The following TTC28 variants were observed in gnomAD, a reference collection of about 807,000 sequenced individuals.
TTC28 encodes tetratricopeptide repeat domain 28.
Under a neutral mutation model 198.0 loss-of-function variants are expected in TTC28, and 61 were observed. That is an observed-to-expected ratio of 0.31 (90% CI 0.25 to 0.38). The LOEUF is 0.38. Ranked by LOEUF, TTC28 falls within the 10% of genes least tolerant of loss-of-function variation. TTC28 has a pLI of 1.00. For missense variants in TTC28, 2,678 were observed against 3,164.0 expected, an observed-to-expected ratio of 0.85 and a Z score of 3.69; for synonymous variants, 1,171 against 1,297.8, an observed-to-expected ratio of 0.90 and a Z score of 2.10.
At chr22:28,083,187 G>T (rs941989371) in intron 12 of TTC28, among the ~76,000 whole-genome samples, 8 of 151,856 alleles carry the variant, frequency 5.3e-5, no homozygotes, top group Admixed American at 2.6e-4. Flanking sequence ...TTAGACCAGA[G>T]GTGCCTGGAA....
chr22:28,226,433 TCTC>T (rs1400050749), intron 5 of TTC28, among the ~76,000 whole-genome samples: 1 of 152,174 alleles, frequency 6.6e-6, no homozygotes, highest in Non-Finnish European at 1.5e-5. Flanking sequence ...TCTTTTCTCT[TCTC>T]TTTTTATGAG....
At chr22:28,238,098 CT>C (rs1372101951) in intron 5 of TTC28, among the ~76,000 whole-genome samples, 1 of 152,056 alleles carries the variant, frequency 6.6e-6, no homozygotes, top group Admixed American at 6.6e-5. Context: ...TATGTTTTTA[CT>C]GCACGAATGG....
Position 28,107,732 on chromosome 22 carries a change from G to C in TTC28, c.2113C>G (p.Gln705Glu). 6.4e-7 allele frequency: 1 copy of C among 1,551,902 alleles called. No homozygotes were observed. The highest frequency in any genetic ancestry group is 8.7e-7 in the Non-Finnish European group (1 of 1,147,030). Residue 705 changes from glutamine (Q) to glutamate (E), a missense_variant, in exon 7 of 23, where the codon CAG becomes GAG. By Grantham distance (29) the Gln-to-Glu change is conservative (BLOSUM62 2). This residue lies in a region of TTC28 where 775 missense variants were observed against 845.9 expected (regional missense o/e 0.92). Coordinates refer to ENST00000397906, the MANE Select transcript of TTC28 (RefSeq NM_001145418.2). ...ECQKYLLSLA[Q>E]SLNNSQAKFR... ...TTAGCCTGGGAATTATTCAGAGACT[G>C]GGCTAGGGACAGTAGGTACTTCTGA...
intron 5 of TTC28, among the ~76,000 whole-genome samples, chr22:28,253,989 C>G (rs1016178552): frequency 6.6e-6 from 1 of 151,612 alleles, no homozygotes; most frequent in Non-Finnish European, 1.5e-5. Flanking sequence ...CTTGTAATCC[C>G]GCTACCTGGG....
intron 5 of TTC28, among the ~76,000 whole-genome samples, chr22:28,199,829 T>C (rs1165956511): frequency 6.6e-6 from 1 of 151,984 alleles, no homozygotes; most frequent in Non-Finnish European, 1.5e-5. Flanking sequence ...AGTGTTACTC[T>C]GGAGGAAAAA....
chr22:28,348,445 C>T (rs560968543), intron 2 of TTC28, among the ~76,000 whole-genome samples: 70 of 152,232 alleles, frequency 4.6e-4, no homozygotes, highest in African/African-American at 1.3e-3. Context: ...GATCCTGGGG[C>T]GTTCCAAGAT....
intron 2 of TTC28, among the ~76,000 whole-genome samples, chr22:28,517,035 C>G (rs2048803767): frequency 6.6e-6 from 1 of 152,194 alleles, no homozygotes; most frequent in Non-Finnish European, 1.5e-5. Flanking sequence ...AGACAATACT[C>G]TCTTACCCAG....
intron 6 of TTC28, among the ~76,000 whole-genome samples, chr22:28,135,103 G>T (rs1943168136): frequency 6.6e-6 from 1 of 152,094 alleles, no homozygotes; most frequent in African/African-American, 2.4e-5. Flanking sequence ...TATGCTATGA[G>T]ATTTTGGATC....
At chr22:28,659,247 C>T (rs900077260) in intron 1 of TTC28, among the ~76,000 whole-genome samples, 1 of 152,206 alleles carries the variant, frequency 6.6e-6, no homozygotes, top group African/African-American at 2.4e-5. Flanking sequence ...TGTTTCAACT[C>T]TTACAAGGGT....
chr22:27,999,722 T>TA (rs1442514273), intron 15 of TTC28: 4 of 160,524 alleles, frequency 2.5e-5, no homozygotes, highest in African/African-American at 9.6e-5. Flanking sequence ...GGGCTAAACT[T>TA]AAGTCCTTTA....
chr22:28,629,283 TCTTA>T, intron 2 of TTC28: 1 of 386,360 alleles, frequency 2.6e-6, no homozygotes, highest in Non-Finnish European at 4.6e-6. Flanking sequence ...CTAGAATGTA[TCTTA>T]CTTATCAAGC....
intron 12 of TTC28, among the ~76,000 whole-genome samples, chr22:28,091,906 C>T (rs1439574361): frequency 2.6e-5 from 4 of 151,984 alleles, no homozygotes; most frequent in African/African-American, 9.7e-5. Context: ...GTAGGGAAAC[C>T]TATGCTGGGA....
chr22:28,212,041 A>C (rs1384961115), intron 5 of TTC28, among the ~76,000 whole-genome samples: 2 of 152,208 alleles, frequency 1.3e-5, no homozygotes, highest in African/African-American at 4.8e-5. Context: ...GTACATAACG[A>C]AATGAAGGCA....
At chr22:28,063,990 G>A (rs1940654500) in intron 12 of TTC28, among the ~76,000 whole-genome samples, 2 of 152,274 alleles carry the variant, frequency 1.3e-5, no homozygotes, top group East Asian at 1.9e-4. Context: ...TGTATCTGCA[G>A]AGCATTTGTT....
At chr22:27,995,144 C>A (rs71325272) in intron 17 of TTC28, among the ~76,000 whole-genome samples, 3,014 of 152,282 alleles carry the variant, frequency 0.02, 49 homozygotes, top group Non-Finnish European at 0.032. Context: ...CTGTTCAGGC[C>A]CAACCCACGG....
intron 2 of TTC28, among the ~76,000 whole-genome samples, chr22:28,593,849 C>T (rs1165302475): frequency 3.3e-5 from 5 of 152,044 alleles, no homozygotes; most frequent in African/African-American, 7.2e-5. Flanking sequence ...ACTAGTTCTA[C>T]GACATCTTAA....
At chr22:28,031,348 A>C (rs5762456) in intron 12 of TTC28, among the ~76,000 whole-genome samples, 12,138 of 152,276 alleles carry the variant, frequency 0.08, 662 homozygotes, top group South Asian at 0.24. Context: ...GGAGATGCTT[A>C]CTGATACCTC....
intron 5 of TTC28, among the ~76,000 whole-genome samples, chr22:28,209,574 C>A (rs1205656226): frequency 1.3e-5 from 2 of 152,214 alleles, no homozygotes; most frequent in Non-Finnish European, 2.9e-5. Context: ...TGCAAGGCAG[C>A]AGCGAGGCTG....
At chr22:28,538,572 T>TTC (rs2049345743) in intron 2 of TTC28, among the ~76,000 whole-genome samples, 1 of 148,890 alleles carries the variant, frequency 6.7e-6, no homozygotes, top group Admixed American at 6.7e-5. Flanking sequence ...TTTTTTTTTT[T>TTC]TTTTTGAGAC....
Sources: gnomAD v4.1 joint callset for allele counts (sites outside exome capture counted in the v4.1 genomes callset) on GRCh38, gnomAD v4.1.1 for gene constraint, gnomAD v4.1.1 regional missense constraint, MANE v1.5 for transcripts, NCBI Gene and HGNC (gene_info 2026-07-23, HGNC 2026-07-21) for gene names.